Variants in WWOX observed in about 807,000 individuals in gnomAD.
The protein encoded by WWOX is WW domain containing oxidoreductase.
Under a neutral mutation model 46.2 loss-of-function variants are expected in WWOX, and 69 were observed. That is an observed-to-expected ratio of 1.49 (90% CI 1.23 to 1.82). The LOEUF is 1.82. Among genes scored for constraint, WWOX ranks in the 40% most tolerant of loss-of-function variants. WWOX has a pLI of 0.00. For missense variants in WWOX, 919 were observed against 542.6 expected (o/e 1.69, Z -6.89); for synonymous variants, 359 against 202.6 (o/e 1.77, Z -6.56).
chr16:78,792,140 A>C (rs951977395), intron 8 of WWOX, among the ~76,000 whole-genome samples: 3 of 152,050 alleles, frequency 2.0e-5, no homozygotes, highest in African/African-American at 7.2e-5. Flanking sequence ...ACAAACCACC[A>C]TTAGACCTCA....
chr16:78,131,075 A>C (rs570867204), intron 4 of WWOX, among the ~76,000 whole-genome samples: 41 of 152,364 alleles, frequency 2.7e-4, no homozygotes, highest in African/African-American at 9.6e-4. Flanking sequence ...ATCTAAACAC[A>C]GAAGTGGTAC....
At chr16:79,025,198 A>C (rs983338355) in intron 8 of WWOX, among the ~76,000 whole-genome samples, 3 of 152,176 alleles carry the variant, frequency 2.0e-5, no homozygotes, top group African/African-American at 4.8e-5. Context: ...TCAGAAAGAC[A>C]ATGTCACTGA....
chr16:78,423,888 C>G (rs9932167), intron 6 of WWOX, among the ~76,000 whole-genome samples: 2 of 150,970 alleles, frequency 1.3e-5, no homozygotes, highest in Non-Finnish European at 2.9e-5. Flanking sequence ...AGGGAGAATA[C>G]TATGACAGGC....
chr16:78,126,434 G>T (rs139621734), intron 4 of WWOX, among the ~76,000 whole-genome samples: 7 of 152,264 alleles, frequency 4.6e-5, no homozygotes, highest in Admixed American at 1.3e-4. Context: ...GCCTATCTCT[G>T]ATGATTAGCA....
chr16:78,627,990 G>C (rs919808717), intron 8 of WWOX, among the ~76,000 whole-genome samples: 1 of 152,222 alleles, frequency 6.6e-6, no homozygotes, highest in Non-Finnish European at 1.5e-5. Flanking sequence ...GTCCTTGGGA[G>C]AGTAGCCTCA....
intron 8 of WWOX, among the ~76,000 whole-genome samples, chr16:78,480,062 G>A (rs1046194926): frequency 6.6e-6 from 1 of 152,214 alleles, no homozygotes; most frequent in African/African-American, 2.4e-5. Flanking sequence ...ACAGAATTGT[G>A]CTGGGTCCTA....
intron 5 of WWOX, among the ~76,000 whole-genome samples, chr16:78,273,855 C>T (rs1222554699): frequency 1.3e-5 from 2 of 152,176 alleles, no homozygotes; most frequent in East Asian, 3.9e-4. Context: ...GAGTCCTTTT[C>T]AGTCATACTG....
At chr16:78,648,289 TG>T (rs1326589487) in intron 8 of WWOX, among the ~76,000 whole-genome samples, 2 of 152,186 alleles carry the variant, frequency 1.3e-5, no homozygotes, top group African/African-American at 4.8e-5. Flanking sequence ...GGAGGCCCTC[TG>T]AGAATGCGAG....
At chr16:78,302,771 C>A (rs2080063536) in intron 5 of WWOX, among the ~76,000 whole-genome samples, 1 of 152,206 alleles carries the variant, frequency 6.6e-6, no homozygotes, top group African/African-American at 2.4e-5. Flanking sequence ...AAGTTTGCTA[C>A]CTGTTACTTG....
At chr16:78,876,073 C>G (rs1055194753) in intron 8 of WWOX, among the ~76,000 whole-genome samples, 3 of 152,174 alleles carry the variant, frequency 2.0e-5, no homozygotes, top group South Asian at 2.1e-4. Flanking sequence ...AGCTGCCAAC[C>G]TGCTCTTTTT....
intron 8 of WWOX, among the ~76,000 whole-genome samples, chr16:78,816,975 T>C (rs926726981): frequency 2.0e-5 from 3 of 152,124 alleles, no homozygotes; most frequent in Admixed American, 2.0e-4. Context: ...ACCTTGGGCC[T>C]GAGCTATTGC....
At chr16:78,308,481 C>G (rs1270647917) in intron 5 of WWOX, among the ~76,000 whole-genome samples, 1 of 152,048 alleles carries the variant, frequency 6.6e-6, no homozygotes, top group Admixed American at 6.6e-5. Context: ...AATAAGATAC[C>G]AAATTTCAAC....
chr16:79,041,905 C>T (rs767700652), intron 8 of WWOX, among the ~76,000 whole-genome samples: 3 of 151,864 alleles, frequency 2.0e-5, no homozygotes, highest in Admixed American at 1.3e-4. Flanking sequence ...TGGAGGAGCC[C>T]GGGAACTGCT....
chr16:79,003,589 G>A (rs1419232199), intron 8 of WWOX, among the ~76,000 whole-genome samples: 2 of 152,182 alleles, frequency 1.3e-5, no homozygotes, highest in African/African-American at 4.8e-5. Flanking sequence ...CAGTTGGCAG[G>A]AGAGCTGGCC....
At chr16:78,610,290 G>C (rs775478918) in intron 8 of WWOX, among the ~76,000 whole-genome samples, 17 of 152,032 alleles carry the variant, frequency 1.1e-4, no homozygotes, top group Non-Finnish European at 2.2e-4. Context: ...GTTAGATGTG[G>C]CATTTAATTT....
At chr16:78,789,299 T>C (rs1413873794) in intron 8 of WWOX, among the ~76,000 whole-genome samples, 1 of 152,232 alleles carries the variant, frequency 6.6e-6, no homozygotes, top group Non-Finnish European at 1.5e-5. Flanking sequence ...TTAAGACTTT[T>C]GATCCATTTT....
chr16:79,054,765 G>A (rs1341565110), intron 8 of WWOX, among the ~76,000 whole-genome samples: 1 of 152,186 alleles, frequency 6.6e-6, no homozygotes, highest in Non-Finnish European at 1.5e-5. Flanking sequence ...GGTGGAGGCT[G>A]CTGTGAACTG....
intron 8 of WWOX, among the ~76,000 whole-genome samples, chr16:78,635,433 A>C (rs1250779806): frequency 6.6e-6 from 1 of 152,104 alleles, no homozygotes; most frequent in Non-Finnish European, 1.5e-5. Flanking sequence ...GTTGTCCTTG[A>C]CTGGGCAAGA....
chr16:79,068,187 C>T (rs150506328), intron 8 of WWOX, among the ~76,000 whole-genome samples: 72 of 152,256 alleles, frequency 4.7e-4, no homozygotes, highest in African/African-American at 1.7e-3. Context: ...GGGTGAATGA[C>T]CCTGTAATCC....
Sources: gnomAD v4.1 joint callset for allele counts (sites outside exome capture counted in the v4.1 genomes callset) on GRCh38, gnomAD v4.1.1 for gene constraint, MANE v1.5 for transcripts, NCBI Gene and HGNC (gene_info 2026-07-23, HGNC 2026-07-21) for gene names.